DGKD: variants seen among roughly 807,000 people sequenced by gnomAD.
DGKD encodes the protein diacylglycerol kinase delta, also known as DAG kinase delta.
A neutral mutation model predicts 154.4 loss-of-function variants in DGKD; 68 were observed. The ratio of observed to expected loss-of-function variants is 0.44; its 90% confidence interval spans 0.36 to 0.54. DGKD has a LOEUF of 0.54. Ranked by LOEUF, DGKD falls within the 20% of genes least tolerant of loss-of-function variation. The probability of loss-of-function intolerance (pLI) is 0.00; values close to 1 mark genes in which losing one functional copy is unlikely to be tolerated. For synonymous variants in DGKD, 693 were observed against 638.0 expected, an observed-to-expected ratio of 1.09 and a Z score of -1.30; for missense variants, 1,343 against 1,593.6, an observed-to-expected ratio of 0.84 and a Z score of 2.68.
At chr2:233,427,332 C>A (rs1201102052) in intron 3 of DGKD, among the ~76,000 whole-genome samples, 2 of 141,914 alleles carry the variant, frequency 1.4e-5, no homozygotes, top group South Asian at 2.3e-4. Context: ...CAGTTTATTG[C>A]CCTGCTTTTT....
intron 3 of DGKD, among the ~76,000 whole-genome samples, chr2:233,427,586 C>T (rs1162179794): frequency 6.6e-6 from 1 of 152,208 alleles, no homozygotes; most frequent in Non-Finnish European, 1.5e-5. Flanking sequence ...AAGTGATCTA[C>T]CTGCCTCGGC....
rs927628105 is a variant in DGKD, at chr2:233,367,385, T to A, written c.156+12711T>A. Among the ~76,000 whole-genome samples, 7 of 152,168 alleles carry A rather than the reference T, an allele frequency of 4.6e-5. No individual in the cohort carries two copies. The East Asian group carries it at 5.8e-4, about 13-fold the overall frequency. On this transcript the variant is annotated intron_variant, in intron 1 of 29. Transcript: ENST00000264057. ...CTGGGACTACAGGCGCCCGCCACCA[T>A]GCCCGGCTGATTTTTTTATTTTTAG...
In DGKD at chr2:233,429,250, T is replaced by C. The variant is rs375890245; in HGVS notation, c.349-5130T>C. The stretch of plus-strand genomic sequence containing the variant: ...TAAAACATCTCCTTGTTGTCTTCTA[T>C]AAATATCCTGTTGCATGACTCCTAA... On this transcript the variant is annotated intron_variant, in intron 3 of 29. Transcript: ENST00000264057. 36 of 985,414 alleles carry C rather than the reference T, an allele frequency of 3.7e-5. No homozygotes were observed. In the South Asian group the frequency reaches 8.0e-4, roughly 22 times the overall value. 61.0% of individuals were successfully genotyped at this position (985,414 alleles called of 1,614,324 possible). A position where few individuals can be genotyped will look rare whatever the true frequency, so the allele number is the denominator to read the frequency against.
intron 3 of DGKD, among the ~76,000 whole-genome samples, chr2:233,413,369 T>G (rs1414337786): frequency 6.6e-6 from 1 of 152,220 alleles, no homozygotes; most frequent in African/African-American, 2.4e-5. Flanking sequence ...GCAGTTTTTT[T>G]GGGGTAAAGT....
intron 1 of DGKD, among the ~76,000 whole-genome samples, chr2:233,356,077 CGCGGAAACTCGGG>C (rs1171634589): frequency 6.6e-6 from 1 of 152,164 alleles, no homozygotes; most frequent in Non-Finnish European, 1.5e-5. Flanking sequence ...TTGTAAGTGC[CGCGGAAACTCGGG>C]GCAGAGACCT....
chr2:233,396,018 A>G (rs1704001839), intron 3 of DGKD, among the ~76,000 whole-genome samples: 1 of 152,264 alleles, frequency 6.6e-6, no homozygotes, highest in Non-Finnish European at 1.5e-5. Flanking sequence ...ACTGAAGAAC[A>G]TGGAAGAAAA....
intron 3 of DGKD, 66 bp from the exon 4 acceptor site, chr2:233,434,314 A>C: frequency 7.8e-7 from 1 of 1,288,844 alleles, no homozygotes; most frequent in African/African-American, 1.5e-5. Context: ...GGTTTTAAGA[A>C]AGCGTTCATA....
chr2:233,462,526 C>T (rs997447877), intron 25 of DGKD, 67 bp downstream of exon 25: 34 of 1,529,606 alleles, frequency 2.2e-5, no homozygotes, highest in African/African-American at 1.4e-4. Flanking sequence ...CCTCCCCGTG[C>T]GTGTTCATTC....
chr2:233,413,390 A>G (rs562394879), intron 3 of DGKD, among the ~76,000 whole-genome samples: 1 of 141,066 alleles, frequency 7.1e-6, no homozygotes, highest in African/African-American at 2.6e-5. Context: ...TTTTGATAAT[A>G]CCCTGTGATT....
intron 10 of DGKD, among the ~76,000 whole-genome samples, chr2:233,443,748 A>T (rs2125620248): frequency 6.6e-6 from 1 of 152,234 alleles, no homozygotes; most frequent in South Asian, 2.1e-4. Flanking sequence ...ATTAGCATAG[A>T]CTACTCTAAT....
At chr2:233,467,031 T>G in intron 27 of DGKD, 55 bp from the exon 28 acceptor site, 17 of 1,405,562 alleles carry the variant, frequency 1.2e-5, no homozygotes, top group East Asian at 2.3e-5. Flanking sequence ...GAGATGGGCA[T>G]GAGGCCGTGA....
chr2:233,383,252 G>T (rs1174043755), intron 1 of DGKD, among the ~76,000 whole-genome samples: 1 of 152,018 alleles, frequency 6.6e-6, no homozygotes, highest in African/African-American at 2.4e-5. Flanking sequence ...TGTTGCCCAG[G>T]CTGGTCTCGA....
chr2:233,400,594 A>C (rs1448034473), intron 3 of DGKD, among the ~76,000 whole-genome samples: 3 of 151,952 alleles, frequency 2.0e-5, no homozygotes, highest in Admixed American at 2.0e-4. Context: ...TGTGGGTGGG[A>C]TATAGTTTGA....
intron 1 of DGKD, among the ~76,000 whole-genome samples, chr2:233,363,480 A>C (rs1443067447): frequency 6.6e-6 from 1 of 152,240 alleles, no homozygotes; most frequent in East Asian, 1.9e-4. Flanking sequence ...ATAAAGTAAA[A>C]ATATTACAGT....
At chr2:233,461,407 CTT>C (rs1398607689) in intron 24 of DGKD, among the ~76,000 whole-genome samples, 1 of 152,276 alleles carries the variant, frequency 6.6e-6, no homozygotes, top group Non-Finnish European at 1.5e-5. Context: ...GCCTTCGGCT[CTT>C]GTCGAGCAGG....
In DGKD at chr2:233,394,690, CCTTTTTTTTTTTTT is replaced by C. The variant is rs1310471505; in HGVS notation, c.348+4208_348+4221del. 1.3e-3 allele frequency among the ~76,000 whole-genome samples: 106 copies of C among 83,254 alleles called. 3 individuals carry two copies. The highest frequency in any genetic ancestry group is 4.5e-3 in the African/African-American group (102 of 22,692). 54.6% of individuals were successfully genotyped at this position (83,254 alleles called of 152,430 possible). ...TTCCTTATTATTTTGAATTTAATTCCCTTTTTTTTTTTTTTTTTTTTTTTTTTTTTTTTTAGAGA... is the reference window on the plus strand; with the variant it reads ...TTCCTTATTATTTTGAATTTAATTCCTTTTTTTTTTTTTTTTTTTTAGAGA... On this transcript the variant is annotated intron_variant, in intron 3 of 29. Coordinates refer to ENST00000264057, the MANE Select transcript of DGKD (RefSeq NM_152879.3).
intron 1 of DGKD, among the ~76,000 whole-genome samples, chr2:233,387,713 A>G (rs570179581): frequency 1.3e-5 from 2 of 152,114 alleles, no homozygotes; most frequent in South Asian, 4.2e-4. Context: ...CTTTCCTCTC[A>G]TGGTGTGTGC....
At chr2:233,435,490 C>T (rs2062658488) in intron 5 of DGKD, among the ~76,000 whole-genome samples, 1 of 152,186 alleles carries the variant, frequency 6.6e-6, no homozygotes, top group South Asian at 2.1e-4. Flanking sequence ...CAAATTTGTG[C>T]CCGTAAAAAA....
At chr2:233,442,194 G>C (rs924408757) in intron 10 of DGKD, 199 bp downstream of exon 10, 5 of 683,620 alleles carry the variant, frequency 7.3e-6, no homozygotes, top group South Asian at 6.0e-5. Context: ...GTGGAGGCCC[G>C]GGGGCTCTGG....
Sources: allele counts gnomAD v4.1 joint callset (sites outside exome capture counted in the v4.1 genomes callset), GRCh38; gene constraint gnomAD v4.1.1; transcripts MANE v1.5; gene names NCBI Gene and HGNC (gene_info 2026-07-23, HGNC 2026-07-21).